BTBD8: variants seen among roughly 807,000 people sequenced by gnomAD.
BTBD8 encodes the protein BTB domain containing 8, also known as BTB/POZ domain-containing protein 8.
Under a neutral mutation model 162.9 loss-of-function variants are expected in BTBD8, and 110 were observed. That is an observed-to-expected ratio of 0.68 (90% CI 0.58 to 0.79). The LOEUF is 0.79. BTBD8 is among the 30% of genes least tolerant of loss of function. The pLI is 0.00. For missense variants in BTBD8, 1,905 were observed against 2,085.4 expected (o/e 0.91, Z 1.68); for synonymous variants, 667 against 716.1 (o/e 0.93, Z 1.10).
chr1:92,111,361 A>G (rs1483643878), intron 4 of BTBD8, among the ~76,000 whole-genome samples: 1 of 152,162 alleles, frequency 6.6e-6, no homozygotes, highest in African/African-American at 2.4e-5. Flanking sequence ...CTTTCTTATC[A>G]ATGCCTGATA....
chr1:92,162,329 TGAAA>T (rs1279261229), intron 9 of BTBD8, among the ~76,000 whole-genome samples: 1 of 152,310 alleles, frequency 6.6e-6, no homozygotes, highest in East Asian at 1.9e-4. Flanking sequence ...AACCTGGCAG[TGAAA>T]GAGAGTTCAC....
At chr1:92,160,481 A>G (rs1318370855) in intron 9 of BTBD8, among the ~76,000 whole-genome samples, 3 of 151,952 alleles carry the variant, frequency 2.0e-5, no homozygotes, top group Non-Finnish European at 4.4e-5. Flanking sequence ...CTGGCCTCAT[A>G]CAGGAGAAGA....
intron 2 of BTBD8, among the ~76,000 whole-genome samples, chr1:92,096,004 C>T (rs1479301935): frequency 6.6e-6 from 1 of 151,202 alleles, no homozygotes; most frequent in East Asian, 1.9e-4. Context: ...CAGAGGCTTG[C>T]TCTGTCACCC....
rs746655611 is a variant in BTBD8 at position 92,184,098 on chromosome 1, A to G, written c.5147A>G (p.Asn1716Ser). 2 of 1,551,574 alleles carry G rather than the reference A, an allele frequency of 1.3e-6. No individual in the cohort carries two copies. Among genetic ancestry groups the G allele is most frequent in the African/African-American group, 2.7e-5 (2 of 73,064 alleles). The change falls in exon 18 of 18, where the codon AAT (asparagine) becomes AGT (serine). Residue 1716 changes from asparagine to serine, a missense_variant. Around this residue, in one of 3 missense-constraint regions of BTBD8, gnomAD observed 517 missense variants for 606.6 expected, o/e 0.85. Transcript: ENST00000636805. Reference sequence around the variant, plus strand: ...CAGGATTCAAACTTAGATGTTACAAATTCCGTTCCTGAAGACTTAAGTTTA... The same window carrying G: ...CAGGATTCAAACTTAGATGTTACAAGTTCCGTTCCTGAAGACTTAAGTTTA... Reference protein sequence around the residue: ...SEQDSNLDVTNSVPEDLSLAQ... With the variant: ...SEQDSNLDVTSSVPEDLSLAQ...
chr1:92,112,859 CAAAT>C (rs1447558085), intron 4 of BTBD8, among the ~76,000 whole-genome samples: 4 of 152,038 alleles, frequency 2.6e-5, no homozygotes, highest in African/African-American at 4.8e-5. Flanking sequence ...GGAATTAAAG[CAAAT>C]AAATAAATAA....
chr1:92,111,460 C>T (rs1425199113), intron 4 of BTBD8, among the ~76,000 whole-genome samples: 3 of 151,974 alleles, frequency 2.0e-5, no homozygotes, highest in Admixed American at 2.0e-4. Context: ...GCACTGTGTC[C>T]GAAGATCATT....
Position 92,143,574 on chromosome 1 carries a change from G to T in BTBD8, c.930+2363G>T, listed in dbSNP as rs1056094959. Among the ~76,000 whole-genome samples, 5 of 152,146 alleles carry T rather than the reference G, an allele frequency of 3.3e-5. No homozygotes were observed. In the East Asian group the frequency reaches 5.8e-4, roughly 18 times the overall value. On this transcript the variant is annotated intron_variant, in intron 7 of 17. Transcript: ENST00000636805. ...TGCCTAGGCTGGAGTGCAGTGGTAC[G>T]ATCTCTGCTCACTGCAACCTCTGCC...
In BTBD8 at chr1:92,182,213, T is replaced by C; in HGVS notation, c.4530T>C (p.Asn1510=). The C allele has an allele frequency of 6.4e-7, 1 of 1,550,596 alleles. No homozygotes were observed. Among genetic ancestry groups the C allele is most frequent in the East Asian group, 2.4e-5 (1 of 40,898 alleles). The change falls in exon 17 of 18, where the codon AAT becomes AAC. Residue 1510 remains asparagine, a synonymous_variant. Transcript: ENST00000636805. The part of the protein sequence containing the change: ...KQNKGNSVCK[N]ESTVLDLSSI... ...ATAAAGGCAATAGTGTATGTAAAAA[T>C]GAAAGCACTGTCTTGGATCTTAGTA...
chr1:92,120,760 A>C (rs910836647), intron 4 of BTBD8, among the ~76,000 whole-genome samples: 3 of 152,170 alleles, frequency 2.0e-5, no homozygotes, highest in Non-Finnish European at 2.9e-5. Flanking sequence ...TATGTAGCAC[A>C]TGACTGTAAA....
At chr1:92,104,205 T>C (rs1648668921) in intron 3 of BTBD8, among the ~76,000 whole-genome samples, 1 of 152,236 alleles carries the variant, frequency 6.6e-6, no homozygotes, top group African/African-American at 2.4e-5. Flanking sequence ...GCAGAATTGA[T>C]TGTATTTGAA....
intron 2 of BTBD8, among the ~76,000 whole-genome samples, chr1:92,092,145 A>T (rs1180402641): frequency 6.6e-6 from 1 of 152,132 alleles, no homozygotes; most frequent in East Asian, 1.9e-4. Flanking sequence ...TCATACCTGT[A>T]GTCCCAGCAC....
chr1:92,157,892 T>C (rs1226364004), intron 9 of BTBD8, among the ~76,000 whole-genome samples: 1 of 152,240 alleles, frequency 6.6e-6, no homozygotes, highest in Non-Finnish European at 1.5e-5. Context: ...GATCTATTAA[T>C]ACTTGCTTTA....
At position 92,155,790 on chromosome 1, in the gene BTBD8, A is replaced by AG. The variant is rs1423657241; in HGVS notation, c.1122+8005dup. Among the ~76,000 whole-genome samples, 9 of 152,164 alleles carry AG rather than the reference A, an allele frequency of 5.9e-5. No individual in the cohort carries two copies. The South Asian group carries it at 8.3e-4, about 14-fold the overall frequency. On this transcript the variant is annotated intron_variant, in intron 9 of 17. Coordinates refer to ENST00000636805, the MANE Select transcript of BTBD8 (RefSeq NM_001376131.1). ...ACTGATTATTGTATGTTCATTTTGT[A>AG]GCTTTCATCTTTACTGAATTTGTTT...
intron 7 of BTBD8, 90 bp from the exon 8 acceptor site, chr1:92,147,090 G>A (rs907408576): frequency 2.3e-6 from 2 of 859,078 alleles, no homozygotes; most frequent in Non-Finnish European, 3.6e-6. Flanking sequence ...TGCAGTTTAG[G>A]TATATAAATT....
intron 10 of BTBD8, 93 bp downstream of exon 10, chr1:92,167,233 T>G: frequency 7.1e-7 from 1 of 1,411,966 alleles, no homozygotes; most frequent in East Asian, 2.5e-5. Context: ...TGCTTTTGAT[T>G]AAATTAATGT....
chr1:92,169,858 G>A (rs908436279), intron 12 of BTBD8, among the ~76,000 whole-genome samples: 1 of 152,180 alleles, frequency 6.6e-6, no homozygotes, highest in African/African-American at 2.4e-5. Context: ...ACATGATAGT[G>A]TAGCTAGATG....
rs531263839 is a variant in BTBD8, at chr1:92,111,404, G to T, written c.662+3403G>T. On this transcript the variant is annotated intron_variant, in intron 4 of 17. Transcript: ENST00000636805. ...ATTAGACATTCATTCATTTGGTTAAGATGTCAAATCTTCCTTTAATATCTC... is the reference window on the plus strand; with the variant it reads ...ATTAGACATTCATTCATTTGGTTAATATGTCAAATCTTCCTTTAATATCTC... Among the ~76,000 whole-genome samples, 3 of 152,264 alleles carry T rather than the reference G, an allele frequency of 2.0e-5. No individual in the cohort carries two copies. The South Asian group carries it at 6.2e-4, about 32-fold the overall frequency.
At position 92,184,365 on chromosome 1, in the gene BTBD8, T is replaced by G; in HGVS notation, c.*35T>G. 1 of 1,348,110 alleles carries G rather than the reference T, an allele frequency of 7.4e-7. No homozygotes were observed. Among genetic ancestry groups the G allele is most frequent in the Non-Finnish European group, 1.0e-6 (1 of 989,724 alleles). 83.5% of individuals were successfully genotyped at this position (1,348,110 alleles called of 1,614,324 possible). ...TTTTGGAAAAATTTATGCCACTCCT[T>G]TATTTTTTGATGCCTATATTATATC... On this transcript the variant is annotated 3_prime_UTR_variant, in exon 18 of 18. Coordinates refer to ENST00000636805, the MANE Select transcript of BTBD8 (RefSeq NM_001376131.1).
chr1:92,143,969 CTTTTT>C (rs935357789), intron 7 of BTBD8, among the ~76,000 whole-genome samples: 2 of 103,214 alleles, frequency 1.9e-5, no homozygotes, highest in African/African-American at 3.7e-5. Context: ...ACTTTTAGTT[CTTTTT>C]TTTTTTTTTT....
Sources: allele counts gnomAD v4.1 joint callset (sites outside exome capture counted in the v4.1 genomes callset), GRCh38; gene constraint gnomAD v4.1.1; regional missense constraint gnomAD v4.1.1; transcripts MANE v1.5; gene names NCBI Gene and HGNC (gene_info 2026-07-23, HGNC 2026-07-21).